Variants in LLGL2 observed in about 807,000 individuals in gnomAD.
LLGL2 encodes the protein LLGL2, scribble cell polarity complex component.
In LLGL2, 81 loss-of-function variants were observed where a neutral mutation model predicts 123.2. That is an observed-to-expected ratio of 0.66 (90% CI 0.55 to 0.79). The LOEUF (loss-of-function observed/expected upper bound fraction) is 0.79. Ranked by LOEUF, LLGL2 falls within the 30% of genes least tolerant of loss-of-function variation. The pLI, the probability that LLGL2 is intolerant of heterozygous loss-of-function variation, is 0.00. For missense variants in LLGL2, 1,273 were observed against 1,414.6 expected (o/e 0.90, Z 1.61); for synonymous variants, 577 against 594.1 (o/e 0.97, Z 0.42).
chr17:75,525,415 C>T (rs2053520040), upstream of LLGL2, among the ~76,000 whole-genome samples: 1 of 152,060 alleles, frequency 6.6e-6, no homozygotes, highest in Non-Finnish European at 1.5e-5. The surrounding 1 kb of genome is among the most constrained non-coding windows in gnomAD (Gnocchi z 4.8). Context: ...GTTCCGGGAA[C>T]TATTTCCGCT....
At position 75,559,544 on chromosome 17, in the gene LLGL2, C is replaced by G; in HGVS notation, c.530+134C>G. The G allele has an allele frequency of 8.8e-7, 1 of 1,132,368 alleles. No homozygotes were observed. The highest frequency in any genetic ancestry group is 1.2e-6 in the Non-Finnish European group (1 of 818,622). The allele number at this position is 1,132,368 out of a possible 1,614,324, so 70.1% of individuals were successfully genotyped here. A position where few individuals can be genotyped will look rare whatever the true frequency, so the allele number is the denominator to read the frequency against. The stretch of plus-strand genomic sequence containing the variant: ...CCATGGGGCTATAGCAGGGGAGGCT[C>G]TTGGCTTCCTACCTGTCACCTACTG... On this transcript the variant is annotated intron_variant, in intron 6 of 25. Transcript: ENST00000392550. The surrounding 1 kb of genome is among the most constrained non-coding windows in gnomAD (Gnocchi z 4.6).
chr17:75,574,531 AGGCTCTGCCAGAGGGCTCAG>A, intron 24 of LLGL2, 36 bp downstream of exon 24: 1 of 1,579,012 alleles, frequency 6.3e-7, no homozygotes, highest in Non-Finnish European at 8.6e-7. Flanking sequence ...GGTGGGCCCG[AGGCTCTGCCAGAGGGCTCAG>A]GGGAGCGCTG....
At chr17:75,557,034 C>CTTTTTTTTTTTTTTTTTTT (rs55649536) in intron 3 of LLGL2, among the ~76,000 whole-genome samples, 7 of 109,882 alleles carry the variant, frequency 6.4e-5, no homozygotes, top group African/African-American at 2.8e-4. Context: ...GTCTCAAAAA[C>CTTTTTTTTTTTTTTTTTTT]TTTTTTTTTT....
chr17:75,566,229 G>A (rs1356878570), intron 10 of LLGL2, among the ~76,000 whole-genome samples: 7 of 152,230 alleles, frequency 4.6e-5, no homozygotes, highest in African/African-American at 9.6e-5. Context: ...GTATAGAGCC[G>A]TGGAGGCACG....
At chr17:75,570,316 T>C (rs939908751) in intron 15 of LLGL2, 32 bp from the exon 16 acceptor site, 1 of 1,608,976 alleles carries the variant, frequency 6.2e-7, no homozygotes, top group Admixed American at 1.7e-5. Flanking sequence ...TCCCAGGACC[T>C]AGCAGCACTG....
intron 1 of LLGL2, among the ~76,000 whole-genome samples, chr17:75,534,347 G>T (rs904020458): frequency 1.3e-5 from 2 of 152,240 alleles, no homozygotes; most frequent in Non-Finnish European, 2.9e-5. Context: ...AGGATAGATG[G>T]TGGGGGGAAT....
intron 2 of LLGL2, among the ~76,000 whole-genome samples, chr17:75,550,414 C>T (rs2054612429): frequency 1.4e-5 from 2 of 142,568 alleles, no homozygotes; most frequent in Non-Finnish European, 3.0e-5. Context: ...CCTTGTTCAG[C>T]AGCAGGGAAG....
rs527446680 is a variant in LLGL2, at chr17:75,570,824, G to A, written c.2026-126G>A. 1.2e-5 allele frequency: 15 copies of A among 1,270,334 alleles called. No homozygotes were observed. In the South Asian group the frequency reaches 1.9e-4, roughly 16 times the overall value. The allele number at this position is 1,270,334 out of a possible 1,614,324, so 78.7% of individuals were successfully genotyped here. A position where few individuals can be genotyped will look rare whatever the true frequency, so the allele number is the denominator to read the frequency against. On this transcript the variant is annotated intron_variant, in intron 16 of 25. Coordinates refer to ENST00000392550, the MANE Select transcript of LLGL2 (RefSeq NM_001031803.2). ...CTCTTGGACAAGGGTCCCTCTAGACGCAGGCCTGGCAGGTGGCTGGCATGG... is the reference window on the plus strand; with the variant it reads ...CTCTTGGACAAGGGTCCCTCTAGACACAGGCCTGGCAGGTGGCTGGCATGG...
chr17:75,559,234 C>T lies in LLGL2; in HGVS notation c.372-18C>T. 2 of 1,579,276 alleles carry T rather than the reference C, an allele frequency of 1.3e-6. No individual in the cohort carries two copies. Among genetic ancestry groups the T allele is most frequent in the Non-Finnish European group, 1.7e-6 (2 of 1,163,204 alleles). On this transcript the variant is annotated intron_variant, in intron 5 of 25. Coordinates refer to ENST00000392550, the MANE Select transcript of LLGL2 (RefSeq NM_001031803.2). This position sits in a 1 kb window ranked among gnomAD's most constrained non-coding sequence, Gnocchi z 4.6. ...TGCTGGGCAGTGGTCGGCTCACGGG[C>T]AGCTGTTCTTGTCACAGGGCTGCCC...
At chr17:75,567,081 G>C (rs1193324161) in intron 10 of LLGL2, among the ~76,000 whole-genome samples, 2 of 152,216 alleles carry the variant, frequency 1.3e-5, no homozygotes, top group African/African-American at 4.8e-5. Flanking sequence ...AGCCTTGGAG[G>C]CATGAAGTTT....
At chr17:75,537,740 C>T (rs1312754026) in intron 1 of LLGL2, among the ~76,000 whole-genome samples, 1 of 151,730 alleles carries the variant, frequency 6.6e-6, no homozygotes, top group Admixed American at 6.6e-5. Context: ...CAGGGACAGC[C>T]TCCCAGCCTC....
chr17:75,537,788 G>A (rs1253332327), intron 1 of LLGL2, among the ~76,000 whole-genome samples: 2 of 150,630 alleles, frequency 1.3e-5, no homozygotes, highest in African/African-American at 2.4e-5. Flanking sequence ...GTTCAGATGG[G>A]AAGGCTTTTT....
intron 22 of LLGL2, 53 bp from the exon 23 acceptor site, chr17:75,574,160 C>A (rs1408081404): frequency 6.6e-7 from 1 of 1,519,022 alleles, no homozygotes. Context: ...AGAGAGAGAG[C>A]CAGGCCGAGG....
At chr17:75,569,932 G>A in intron 14 of LLGL2, 31 bp from the exon 15 acceptor site, 2 of 1,553,356 alleles carry the variant, frequency 1.3e-6, no homozygotes, top group Non-Finnish European at 1.7e-6. Context: ...CTTTGCTGAG[G>A]GCTTGCTGAG....
At chr17:75,547,680 T>C (rs2054488775) in intron 2 of LLGL2, among the ~76,000 whole-genome samples, 1 of 152,024 alleles carries the variant, frequency 6.6e-6, no homozygotes, top group Non-Finnish European at 1.5e-5. Flanking sequence ...CAAAAATCAG[T>C]TGGGTGTGGT....
chr17:75,539,477 C>T (rs986724749), intron 1 of LLGL2, among the ~76,000 whole-genome samples: 2 of 151,722 alleles, frequency 1.3e-5, no homozygotes, highest in African/African-American at 4.9e-5. Context: ...CTCCTAGGCT[C>T]AAGTGATCCT....
intron 7 of LLGL2, 48 bp downstream of exon 7, chr17:75,563,226 C>T (rs371270086): frequency 1.9e-6 from 3 of 1,609,652 alleles, no homozygotes; most frequent in African/African-American, 1.3e-5. Flanking sequence ...TCTCCCAGGG[C>T]CCCAAGTGGC....
At position 75,540,166 on chromosome 17, in the gene LLGL2, C is replaced by T. The variant is rs1044102861; in HGVS notation, c.-30-3231C>T. 3.3e-5 allele frequency among the ~76,000 whole-genome samples: 5 copies of T among 152,310 alleles called. No homozygotes were observed. In the East Asian group the frequency reaches 9.6e-4, roughly 29 times the overall value. On this transcript the variant is annotated intron_variant, in intron 1 of 25. Coordinates refer to ENST00000392550, the MANE Select transcript of LLGL2 (RefSeq NM_001031803.2). ...AGCCCAGGGCTCTTTCCCTTACAAC[C>T]CCTGGCTCCCTCCAGGAATGGGCTG... is the stretch of plus-strand genomic sequence containing the variant.
chr17:75,558,463 C>T lies in LLGL2; in HGVS notation c.256-49C>T. On this transcript the variant is annotated intron_variant, in intron 4 of 25. Transcript: ENST00000392550. The surrounding 1 kb of genome is among the most constrained non-coding windows in gnomAD (Gnocchi z 4.0). Reference sequence around the variant, plus strand: ...GCTGCGTGGCCCCAGTGTGTAAAGGCCTTGCCTGGGTAGCAAGACCACATG... The same window carrying T: ...GCTGCGTGGCCCCAGTGTGTAAAGGTCTTGCCTGGGTAGCAAGACCACATG... 2 of 1,478,248 alleles carry T rather than the reference C, an allele frequency of 1.4e-6. No individual in the cohort carries two copies. The highest frequency in any genetic ancestry group is 1.8e-6 in the Non-Finnish European group (2 of 1,082,722). The allele number at this position is 1,478,248 out of a possible 1,614,324, so 91.6% of individuals were successfully genotyped here. A position where few individuals can be genotyped will look rare whatever the true frequency, so the allele number is the denominator to read the frequency against.
Sources: gnomAD v4.1 joint callset for allele counts (sites outside exome capture counted in the v4.1 genomes callset) on GRCh38, gnomAD v4.1.1 for gene constraint, Gnocchi (gnomAD v3.1) non-coding constraint, MANE v1.5 for transcripts, NCBI Gene and HGNC (gene_info 2026-07-23, HGNC 2026-07-21) for gene names.